Variants in LPP observed in about 807,000 individuals in gnomAD.
The protein encoded by LPP is LIM domain containing preferred translocation partner in lipoma, also known as lipoma-preferred partner.
A neutral mutation model predicts 60.4 loss-of-function variants in LPP; 38 were observed. The observed-to-expected ratio is 0.63, with a 90% CI of 0.49 to 0.83. The LOEUF (loss-of-function observed/expected upper bound fraction) is 0.83. Among genes scored for constraint, LPP ranks in the 40% least tolerant of loss-of-function variants. LPP has a pLI of 0.00. For missense variants in LPP, 902 were observed against 783.6 expected (o/e 1.15, Z -1.80); for synonymous variants, 328 against 290.8 (o/e 1.13, Z -1.30).
chr3:188,389,775 C>CA (rs56304365), intron 3 of LPP, among the ~76,000 whole-genome samples: 35,967 of 85,162 alleles, frequency 0.42, 10,254 homozygotes, highest in Middle Eastern at 0.61. Context: ...GACTCCGTCT[C>CA]AAAAAAAAAA....
chr3:188,388,073 AT>A (rs200651807), intron 3 of LPP, among the ~76,000 whole-genome samples: 12 of 150,334 alleles, frequency 8.0e-5, no homozygotes, highest in East Asian at 1.9e-4. Context: ...ATTTCCAGTT[AT>A]TTTTTTTTAT....
chr3:188,673,485 C>T (rs990230687), intron 7 of LPP, among the ~76,000 whole-genome samples: 1 of 152,150 alleles, frequency 6.6e-6, no homozygotes, highest in African/African-American at 2.4e-5. Context: ...CAATACTTCC[C>T]CATTTTAATT....
At chr3:188,258,872 T>A (rs1002139507) in intron 2 of LPP, among the ~76,000 whole-genome samples, 2 of 152,188 alleles carry the variant, frequency 1.3e-5, no homozygotes, top group Non-Finnish European at 2.9e-5. Context: ...AGAACATTTA[T>A]ATTTTTTTGA....
intron 9 of LPP, among the ~76,000 whole-genome samples, chr3:188,773,481 A>G (rs542760490): frequency 6.6e-6 from 1 of 152,310 alleles, no homozygotes; most frequent in East Asian, 1.9e-4. Flanking sequence ...ACTGAGGACT[A>G]TTTAAGCAAC....
Position 188,695,850 on chromosome 3 carries a change from A to G in LPP, c.1114-12417A>G, listed in dbSNP as rs1863128167. On this transcript the variant is annotated intron_variant, in intron 7 of 11. Coordinates refer to ENST00000617246, the MANE Select transcript of LPP (RefSeq NM_001375462.1). ...TTGACTGTCTTGATTAACCTTTACG[A>G]TAGACCATGTAAGTTTCATATTTCT... 2.6e-5 allele frequency among the ~76,000 whole-genome samples: 4 copies of G among 152,330 alleles called. 1 individual carries two copies. In the Middle Eastern group the frequency reaches 0.01, roughly 389 times the overall value.
chr3:188,313,957 A>G (rs1754295371), intron 2 of LPP, among the ~76,000 whole-genome samples: 2 of 152,142 alleles, frequency 1.3e-5, no homozygotes, highest in South Asian at 4.2e-4. Context: ...TCTGGATTTC[A>G]GTACATTGAT....
chr3:188,212,154 C>T (rs988785021), intron 1 of LPP, among the ~76,000 whole-genome samples: 3 of 152,108 alleles, frequency 2.0e-5, no homozygotes, highest in East Asian at 1.9e-4. Flanking sequence ...CCACTGTGCC[C>T]GGCCGAGAGG....
At chr3:188,589,231 A>G (rs1838154730) in intron 6 of LPP, among the ~76,000 whole-genome samples, 1 of 152,082 alleles carries the variant, frequency 6.6e-6, no homozygotes, top group African/African-American at 2.4e-5. Flanking sequence ...ACTTCCGGGC[A>G]TTGGCAAAGA....
intron 2 of LPP, among the ~76,000 whole-genome samples, chr3:188,288,227 CA>C (rs992204830): frequency 3.3e-5 from 5 of 152,298 alleles, no homozygotes; most frequent in Admixed American, 1.3e-4. Context: ...TTGCCGAAAG[CA>C]GGCTGTGATG....
At chr3:188,226,286 G>A (rs985780816) in intron 2 of LPP, among the ~76,000 whole-genome samples, 1 of 152,174 alleles carries the variant, frequency 6.6e-6, no homozygotes, top group Admixed American at 6.5e-5. Context: ...TGGGATTATA[G>A]GTGTGAGCCA....
chr3:188,469,364 G>C (rs918763131), intron 4 of LPP, among the ~76,000 whole-genome samples: 8 of 151,662 alleles, frequency 5.3e-5, no homozygotes, highest in African/African-American at 1.9e-4. Context: ...GGTGGTGGCG[G>C]TTGTTTTGAC....
intron 5 of LPP, among the ~76,000 whole-genome samples, chr3:188,511,751 CG>C (rs1815739281): frequency 6.6e-6 from 1 of 152,088 alleles, no homozygotes; most frequent in Non-Finnish European, 1.5e-5. Context: ...TGGAATAGCT[CG>C]ATGAGATCGT....
At chr3:188,747,537 A>T (rs7633130) in intron 8 of LPP, among the ~76,000 whole-genome samples, 1 of 152,290 alleles carries the variant, frequency 6.6e-6, no homozygotes, top group South Asian at 2.1e-4. Context: ...TTTGAGAAGC[A>T]TGTTTCCTTA....
intron 7 of LPP, among the ~76,000 whole-genome samples, chr3:188,649,663 T>C (rs200940620): frequency 3.4e-5 from 5 of 146,530 alleles, no homozygotes; most frequent in Non-Finnish European, 7.6e-5. Context: ...GGTTTTTTTT[T>C]ATTATTATAT....
intron 6 of LPP, among the ~76,000 whole-genome samples, chr3:188,537,325 G>A (rs76151313): frequency 0.021 from 3,179 of 151,874 alleles, 117 homozygotes; most frequent in African/African-American, 0.074. Context: ...ATTATTGATC[G>A]TATCACATGG....
chr3:188,356,509 C>T (rs922054255), intron 3 of LPP, among the ~76,000 whole-genome samples: 9 of 152,138 alleles, frequency 5.9e-5, no homozygotes, highest in Admixed American at 1.3e-4. Context: ...CTCTGCTATT[C>T]GCTTGTTAAA....
At chr3:188,647,759 T>C (rs889361513) in intron 7 of LPP, among the ~76,000 whole-genome samples, 5 of 152,216 alleles carry the variant, frequency 3.3e-5, no homozygotes, top group African/African-American at 1.2e-4. Context: ...GCCGGTCATT[T>C]CTGTAATGTA....
At chr3:188,656,202 A>G (rs1452398614) in intron 7 of LPP, among the ~76,000 whole-genome samples, 2 of 758 alleles carry the variant, frequency 2.6e-3, no homozygotes, top group East Asian at 0.5. Context: ...CCAAAAGGAA[A>G]AAAAAAAAAA....
chr3:188,501,229 A>G (rs911136673), intron 5 of LPP, among the ~76,000 whole-genome samples: 1 of 151,974 alleles, frequency 6.6e-6, no homozygotes, highest in Non-Finnish European at 1.5e-5. Context: ...ACTGTTTCCC[A>G]TACGTTTGGT....
Sources: allele counts gnomAD v4.1 joint callset (sites outside exome capture counted in the v4.1 genomes callset), GRCh38; gene constraint gnomAD v4.1.1; transcripts MANE v1.5; gene names NCBI Gene and HGNC (gene_info 2026-07-23, HGNC 2026-07-21).